Variants in TEX14 observed in about 807,000 individuals in gnomAD.
TEX14 encodes testis expressed 14, intercellular bridge forming factor.
TEX14 carries 168 observed loss-of-function variants against 178.6 expected under a neutral mutation model. The ratio of observed to expected loss-of-function variants is 0.94; its 90% CI spans 0.83 to 1.07. The LOEUF is 1.07. Ranked by LOEUF, TEX14 falls within the 50% of genes least tolerant of loss-of-function variation. The probability of loss-of-function intolerance (pLI) is 0.00; values close to 1 mark genes in which losing one functional copy is unlikely to be tolerated. For missense variants in TEX14, 1,730 were observed against 1,753.6 expected, an observed-to-expected ratio of 0.99 and a Z score of 0.24; for synonymous variants, 626 against 634.1, an observed-to-expected ratio of 0.99 and a Z score of 0.19.
At chr17:58,559,608 C>G (rs1223955259) in intron 29 of TEX14, 46 bp from the exon 30 acceptor site, 2 of 900,784 alleles carry the variant, frequency 2.2e-6, no homozygotes, top group South Asian at 2.8e-5. Context: ...ACACAACAGC[C>G]AAGAAAACAG....
At chr17:58,633,991 A>T (rs2046379629) in intron 2 of TEX14, among the ~76,000 whole-genome samples, 1 of 151,566 alleles carries the variant, frequency 6.6e-6, no homozygotes, top group South Asian at 2.1e-4. Flanking sequence ...AAAGCAAATA[A>T]GGAAAGAAGC....
At position 58,651,853 on chromosome 17, in the gene TEX14, A is replaced by G. The variant is rs763781929; in HGVS notation, c.136+13T>C. On this transcript the variant is annotated intron_variant, in intron 2 of 31. Coordinates refer to ENST00000349033, the MANE Select transcript of TEX14 (RefSeq NM_031272.5). ...GTACCAAGGTGCATCTGCCATCTCA[A>G]CATGGTGCTTACCTTTCTTAAGAAT... The G allele has an allele frequency of 5.0e-6, 8 of 1,598,110 alleles. No homozygotes were observed. The East Asian group carries it at 1.6e-4, about 31-fold the overall frequency.
chr17:58,601,296 G>T (rs1401675763), intron 13 of TEX14, among the ~76,000 whole-genome samples: 1 of 152,108 alleles, frequency 6.6e-6, no homozygotes, highest in African/African-American at 2.4e-5. Context: ...GCCAAGGCGG[G>T]TGGATCACGA....
At chr17:58,622,275 G>A (rs1171573461) in intron 4 of TEX14, among the ~76,000 whole-genome samples, 2 of 152,088 alleles carry the variant, frequency 1.3e-5, no homozygotes, top group Middle Eastern at 3.2e-3. Context: ...GAGAAACCCC[G>A]TCTTTACTCA....
In TEX14 at chr17:58,561,531, C is replaced by T. The variant is rs776563214; in HGVS notation, c.4146G>A (p.Lys1382=). 5.5e-5 allele frequency: 89 copies of T among 1,612,484 alleles called. No individual in the cohort carries two copies. The Middle Eastern group carries it at 6.6e-4, about 12-fold the overall frequency. The change falls in exon 29 of 32, where the codon AAG becomes AAA. Residue 1382 remains lysine (K), a synonymous_variant. Transcript: ENST00000349033. ...TGGGGAACAATAACCTTTCAGAGCC[C>T]TTGGGAAGGTCTTGTAGCTCCACGC... ...EESVELQDLP[K]GSERETNIKD... is the part of the protein sequence containing the mutation.
intron 29 of TEX14, 79 bp downstream of exon 29, chr17:58,561,441 A>G: frequency 1.1e-6 from 1 of 949,870 alleles, no homozygotes; most frequent in East Asian, 2.4e-5. Context: ...ATCATCAGGC[A>G]TTCATTCTCC....
intron 29 of TEX14, among the ~76,000 whole-genome samples, chr17:58,559,917 GA>G (rs201649880): frequency 6.6e-6 from 1 of 151,202 alleles, no homozygotes; most frequent in African/African-American, 2.4e-5. Context: ...TGCTCCAAAG[GA>G]AAAAAAAGGC....
Position 58,599,162 on chromosome 17 carries a change from CTGA to C in TEX14, c.2180_2182del (p.Ile727del). The stretch of plus-strand genomic sequence containing the variant: ...AATCTTTAGATCCAGCACACACTTA[CTGA>C]TGAGATACTCCTCAGTCGTGGACAT... On this transcript the variant is annotated inframe_deletion, in exon 14 of 32. Coordinates refer to ENST00000349033, the MANE Select transcript of TEX14 (RefSeq NM_031272.5). The C allele has an allele frequency of 6.2e-7, 1 of 1,614,182 alleles. No homozygotes were observed. The highest frequency in any genetic ancestry group is 8.5e-7 in the Non-Finnish European group (1 of 1,180,048).
intron 17 of TEX14, among the ~76,000 whole-genome samples, chr17:58,586,960 C>T (rs2044992393): frequency 6.6e-6 from 1 of 152,136 alleles, no homozygotes. Context: ...GGGCTGGTTC[C>T]CTCCTTGTAC....
intron 1 of TEX14, among the ~76,000 whole-genome samples, chr17:58,662,415 T>TCACA (rs200980242): frequency 0.064 from 7,385 of 114,826 alleles, 208 homozygotes; most frequent in South Asian, 0.11. Context: ...CACACATATC[T>TCACA]CACACACACA....
At chr17:58,584,415 T>C in intron 19 of TEX14, 85 bp downstream of exon 19, 1 of 930,726 alleles carries the variant, frequency 1.1e-6, no homozygotes, top group Non-Finnish European at 1.7e-6. Context: ...AGCTATTATT[T>C]TGGTGTCATA....
At chr17:58,658,076 C>A (rs1412867114) in intron 1 of TEX14, among the ~76,000 whole-genome samples, 1 of 152,192 alleles carries the variant, frequency 6.6e-6, no homozygotes, top group East Asian at 1.9e-4. Context: ...GTGATTTCTT[C>A]CCTGACCAAT....
chr17:58,582,882 G>C (rs1364149146), intron 19 of TEX14, among the ~76,000 whole-genome samples: 2 of 151,416 alleles, frequency 1.3e-5, no homozygotes, highest in African/African-American at 4.9e-5. Context: ...TATTTCTTTA[G>C]CATCTCTGCT....
Position 58,660,602 on chromosome 17 carries a change from T to C in TEX14, c.-1-8600A>G, listed in dbSNP as rs768179963. 5 of 796,200 alleles carry C rather than the reference T, an allele frequency of 6.3e-6. No individual in the cohort carries two copies. The Admixed American group carries it at 6.8e-5, about 11-fold the overall frequency. 49.3% of individuals were successfully genotyped at this position (796,200 alleles called of 1,614,324 possible). Reference sequence around the variant, plus strand: ...TTAGCCCATGTTCTGTCGGTTGCCGTAGCCCCTAGGGTGGGTGTCCTTCCA... The same window carrying C: ...TTAGCCCATGTTCTGTCGGTTGCCGCAGCCCCTAGGGTGGGTGTCCTTCCA... On this transcript the variant is annotated intron_variant, in intron 1 of 31. Transcript: ENST00000349033.
chr17:58,558,958 T>C (rs1256362063), intron 30 of TEX14, among the ~76,000 whole-genome samples: 1 of 151,972 alleles, frequency 6.6e-6, no homozygotes, highest in East Asian at 1.9e-4. Context: ...TCACCTGAGG[T>C]CAAGAGATCG....
At chr17:58,674,380 G>A (rs1195637539) in intron 1 of TEX14, among the ~76,000 whole-genome samples, 1 of 152,010 alleles carries the variant, frequency 6.6e-6, no homozygotes, top group Non-Finnish European at 1.5e-5. Flanking sequence ...TATTTATGAT[G>A]AAAGTCCGGC....
intron 28 of TEX14, among the ~76,000 whole-genome samples, chr17:58,563,658 TAGAGAGAGAGAGAGAG>T (rs1180956521): frequency 2.9e-4 from 5 of 17,500 alleles, no homozygotes; most frequent in Non-Finnish European, 4.4e-4. Flanking sequence ...TATATATATA[TAGAGAGAGAGAGAGAG>T]AGAGAGAGAG....
chr17:58,652,902 A>G (rs889770481), intron 1 of TEX14, among the ~76,000 whole-genome samples: 4 of 152,102 alleles, frequency 2.6e-5, no homozygotes, highest in Non-Finnish European at 1.5e-5. Flanking sequence ...CTTCATCTGT[A>G]ACATGGGGAT....
chr17:58,616,126 T>A, intron 7 of TEX14, 49 bp downstream of exon 7: 1 of 1,576,280 alleles, frequency 6.3e-7, no homozygotes, highest in Non-Finnish European at 8.6e-7. Flanking sequence ...TGCAGCCCAC[T>A]CTTCCCCTGA....
Sources: allele counts gnomAD v4.1 joint callset (sites outside exome capture counted in the v4.1 genomes callset), GRCh38; gene constraint gnomAD v4.1.1; transcripts MANE v1.5; gene names NCBI Gene and HGNC (gene_info 2026-07-23, HGNC 2026-07-21).